Variants in PRKAG2 observed in about 807,000 individuals in gnomAD.
PRKAG2 encodes the protein protein kinase AMP-activated non-catalytic subunit gamma 2.
PRKAG2 carries 26 observed loss-of-function variants against 69.6 expected under a neutral mutation model. That is an observed-to-expected ratio of 0.37 (90% CI 0.27 to 0.52). PRKAG2 has a LOEUF of 0.52. Among genes scored for constraint, PRKAG2 ranks in the 20% least tolerant of loss-of-function variants. The pLI is 0.90. For synonymous variants in PRKAG2, 293 were observed against 285.0 expected, an observed-to-expected ratio of 1.03 and a Z score of -0.28; for missense variants, 557 against 740.0, an observed-to-expected ratio of 0.75 and a Z score of 2.87.
chr7:151,840,605 G>C (rs2079253754), intron 1 of PRKAG2, among the ~76,000 whole-genome samples: 1 of 152,212 alleles, frequency 6.6e-6, no homozygotes, highest in African/African-American at 2.4e-5. Flanking sequence ...TGTGGCTTCT[G>C]TCAGTTCACT....
chr7:151,707,013 C>T (rs1384873254), intron 3 of PRKAG2, among the ~76,000 whole-genome samples: 1 of 152,250 alleles, frequency 6.6e-6, no homozygotes, highest in African/African-American at 2.4e-5. Context: ...GGAGGCCTTC[C>T]CCCTCGGCTG....
intron 5 of PRKAG2, among the ~76,000 whole-genome samples, chr7:151,602,596 C>T (rs978453539): frequency 1.1e-4 from 16 of 152,086 alleles, no homozygotes; most frequent in Admixed American, 2.0e-4. Context: ...TCCAGATTTA[C>T]AAAAAAGTTG....
chr7:151,841,826 TGGTAGTGATGGTA>T (rs1193987623), intron 1 of PRKAG2, among the ~76,000 whole-genome samples: 4 of 148,244 alleles, frequency 2.7e-5, no homozygotes, highest in African/African-American at 1.0e-4. Context: ...TAGGTTGTGA[TGGTAGTGATGGTA>T]GGTAGTGATG....
intron 2 of PRKAG2, among the ~76,000 whole-genome samples, chr7:151,782,009 C>T (rs74303077): frequency 0.033 from 5,021 of 152,126 alleles, 177 homozygotes; most frequent in East Asian, 0.2. Context: ...CGGTGACTCA[C>T]GCCTGTAATC....
In PRKAG2 at chr7:151,771,877, T is replaced by C. The variant is rs1269263054; in HGVS notation, c.466+9275A>G. 5.3e-5 allele frequency among the ~76,000 whole-genome samples: 8 copies of C among 152,226 alleles called. No homozygotes were observed. The highest frequency in any genetic ancestry group is 1.9e-4 in the East Asian group (1 of 5,190). On this transcript the variant is annotated intron_variant, in intron 3 of 15. Coordinates refer to ENST00000287878, the MANE Select transcript of PRKAG2 (RefSeq NM_016203.4). The surrounding 1 kb of genome is among the most constrained non-coding windows in gnomAD (Gnocchi z 4.0). ...ACCCACTGAAATCCCTGGGTCAGTATAGCCATCATCTTGTATTCAGAAGCA... is the reference window on the plus strand; with the variant it reads ...ACCCACTGAAATCCCTGGGTCAGTACAGCCATCATCTTGTATTCAGAAGCA...
At chr7:151,842,626 G>A (rs967871440) in intron 1 of PRKAG2, among the ~76,000 whole-genome samples, 1 of 100,284 alleles carries the variant, frequency 1.0e-5, no homozygotes, top group South Asian at 3.1e-4. Context: ...TAGTGATGAT[G>A]GTAGCGATGG....
At chr7:151,626,234 T>C (rs1273324032) in intron 5 of PRKAG2, among the ~76,000 whole-genome samples, 2 of 152,148 alleles carry the variant, frequency 1.3e-5, no homozygotes, top group African/African-American at 4.8e-5. Flanking sequence ...CTGCTTAAAC[T>C]AGTCAGGGAT....
chr7:151,726,401 C>CACAT (rs58779911), intron 3 of PRKAG2, among the ~76,000 whole-genome samples: 2 of 83,458 alleles, frequency 2.4e-5, no homozygotes, highest in South Asian at 6.0e-4. Context: ...CACACACACA[C>CACAT]GCACACACAC....
At chr7:151,664,910 T>G (rs1171118380) in intron 4 of PRKAG2, among the ~76,000 whole-genome samples, 1 of 152,146 alleles carries the variant, frequency 6.6e-6, no homozygotes, top group Non-Finnish European at 1.5e-5. Context: ...GATGCAGATT[T>G]TATCTTGAGA....
At chr7:151,726,100 G>A (rs757782143) in intron 3 of PRKAG2, among the ~76,000 whole-genome samples, 5 of 152,112 alleles carry the variant, frequency 3.3e-5, no homozygotes, top group Non-Finnish European at 5.9e-5. Context: ...GGTCCCACCT[G>A]CTATCTTCAT....
At chr7:151,709,006 TGTGACACTGTGTGATGGGCGATG>T (rs1763848111) in intron 3 of PRKAG2, among the ~76,000 whole-genome samples, 1 of 152,114 alleles carries the variant, frequency 6.6e-6, no homozygotes, top group African/African-American at 2.4e-5. Context: ...CATGACACTG[TGTGACACTGTGTGATGGGCGATG>T]GTGACACTGT....
intron 3 of PRKAG2, among the ~76,000 whole-genome samples, chr7:151,758,592 ACATGGTGTTCTTCC>A (rs1170783659): frequency 6.6e-6 from 1 of 152,196 alleles, no homozygotes; most frequent in Non-Finnish European, 1.5e-5. Context: ...GTCCCCAGAG[ACATGGTGTTCTTCC>A]CATGTTGGGT....
Position 151,814,070 on chromosome 7 carries a change from C to T in PRKAG2, c.115-27529G>A, listed in dbSNP as rs2078559534. On this transcript the variant is annotated intron_variant, in intron 1 of 15. Coordinates refer to ENST00000287878, the MANE Select transcript of PRKAG2 (RefSeq NM_016203.4). The surrounding 1 kb of genome is among the most constrained non-coding windows in gnomAD (Gnocchi z 4.8). ...AGGGAGGAGACCCTGTACCCAGGAC[C>T]CAGTGTGTGAGGCAGCTCTGCTCAG... Among the ~76,000 whole-genome samples, 1 of 152,130 alleles carries T rather than the reference C, an allele frequency of 6.6e-6. No individual in the cohort carries two copies. The highest frequency in any genetic ancestry group is 1.5e-5 in the Non-Finnish European group (1 of 68,022).
At chr7:151,688,393 G>A (rs1015521512) in intron 3 of PRKAG2, among the ~76,000 whole-genome samples, 1 of 152,210 alleles carries the variant, frequency 6.6e-6, no homozygotes, top group African/African-American at 2.4e-5. Flanking sequence ...TGGCAAAGCC[G>A]GTATACACGG....
intron 1 of PRKAG2, 54 bp from the exon 2 acceptor site, chr7:151,786,595 C>A: frequency 7.0e-7 from 1 of 1,428,700 alleles, no homozygotes; most frequent in Non-Finnish European, 9.7e-7. Flanking sequence ...GGCCCAGGGG[C>A]TGCATGGAAC....
chr7:151,668,474 C>T (rs906818009), intron 4 of PRKAG2, among the ~76,000 whole-genome samples: 1 of 152,184 alleles, frequency 6.6e-6, no homozygotes. Context: ...AATATGTCCT[C>T]GATTCATTTT....
At chr7:151,870,704 G>C (rs993028497) in intron 1 of PRKAG2, among the ~76,000 whole-genome samples, 2 of 152,224 alleles carry the variant, frequency 1.3e-5, no homozygotes, top group Non-Finnish European at 2.9e-5. Flanking sequence ...GCCGGATAGA[G>C]GCTATGGGGC....
At chr7:151,874,171 GATGTATATGTAT>G (rs201045816) in intron 1 of PRKAG2, among the ~76,000 whole-genome samples, 144 of 110,418 alleles carry the variant, frequency 1.3e-3, no homozygotes, top group African/African-American at 4.7e-3. Context: ...ATATGTATAT[GATGTATATGTAT>G]ATGTATATGT....
At chr7:151,729,881 C>T (rs544063710) in intron 3 of PRKAG2, among the ~76,000 whole-genome samples, 70 of 152,358 alleles carry the variant, frequency 4.6e-4, no homozygotes, top group African/African-American at 1.5e-3. Flanking sequence ...TCACCACCAC[C>T]TGACCTGGTG....
Sources: allele counts gnomAD v4.1 joint callset (sites outside exome capture counted in the v4.1 genomes callset), GRCh38; gene constraint gnomAD v4.1.1; non-coding constraint Gnocchi (gnomAD v3.1); transcripts MANE v1.5; gene names NCBI Gene and HGNC (gene_info 2026-07-23, HGNC 2026-07-21).